Variants in MAPK8IP2 observed in about 807,000 individuals in gnomAD.
The protein encoded by MAPK8IP2 is C-Jun-amino-terminal kinase-interacting protein 2.
Under a neutral mutation model 75.6 loss-of-function variants are expected in MAPK8IP2, and 15 were observed. The ratio of observed to expected loss-of-function variants is 0.20; its 90% CI spans 0.13 to 0.31. The LOEUF (loss-of-function observed/expected upper bound fraction) is 0.31. MAPK8IP2 is among the 10% of genes least tolerant of loss of function. The pLI, the probability that MAPK8IP2 is intolerant of heterozygous loss-of-function variation, is 1.00. For synonymous variants in MAPK8IP2, 632 were observed against 554.5 expected, an observed-to-expected ratio of 1.14 and a Z score of -1.96; for missense variants, 1,089 against 1,211.2, an observed-to-expected ratio of 0.90 and a Z score of 1.50.
At position 50,603,993 on chromosome 22, in the gene MAPK8IP2, C is replaced by G; in HGVS notation, c.694C>G (p.Leu232Val). The change falls in exon 5 of 12, where the codon CTG (leucine) becomes GTG (valine). Residue 232 changes from leucine (L) to valine (V), a missense_variant. Physicochemically the swap from Leu to Val is conservative, Grantham distance 32. Transcript: ENST00000329492. ...PSSDPGIEAD[L>V]RSRSSGGRGG... ...CTCAGATCCCGGCATCGAGGCTGAC[C>G]TGAGAAGCCGCTCGAGCGGCGGCCG... The G allele has an allele frequency of 6.4e-7, 1 of 1,560,028 alleles. No homozygotes were observed. The highest frequency in any genetic ancestry group is 1.2e-5 in the South Asian group (1 of 85,734).
chr22:50,608,915 A>C (rs1278596725), intron 10 of MAPK8IP2, among the ~76,000 whole-genome samples: 1 of 152,182 alleles, frequency 6.6e-6, no homozygotes, highest in East Asian at 1.9e-4. Context: ...ATTTCTCATC[A>C]GAAGGAAACT....
At chr22:50,605,199 C>T in intron 5 of MAPK8IP2, 135 bp downstream of exon 5, 1 of 1,175,724 alleles carries the variant, frequency 8.5e-7, no homozygotes, top group Non-Finnish European at 1.2e-6. Context: ...CCCTCTCCCA[C>T]CCAGGACATG....
Position 50,603,417 on chromosome 22 carries a change from G to T in MAPK8IP2, c.366G>T (p.Gly122=). 1.3e-6 allele frequency: 2 copies of T among 1,566,010 alleles called. No individual in the cohort carries two copies. Among genetic ancestry groups the T allele is most frequent in the South Asian group, 2.4e-5 (2 of 84,916 alleles). Residue 122 remains glycine (G), a synonymous_variant, in exon 3 of 12, where the codon GGG becomes GGT. Transcript: ENST00000329492. ...GDPGSEAPAP[G]PLIPSPSVEE... is the part of the protein sequence containing the mutation. ...CTGGCTCAGAGGCACCTGCCCCCGG[G>T]CCCCTTATCCCCTCCCCTTCCGTGG...
At position 50,604,130 on chromosome 22, in the gene MAPK8IP2, G is replaced by A; in HGVS notation, c.831G>A (p.Glu277=). 1 of 1,556,188 alleles carries A rather than the reference G, an allele frequency of 6.4e-7. No homozygotes were observed. The highest frequency in any genetic ancestry group is 8.6e-7 in the Non-Finnish European group (1 of 1,159,918). The change falls in exon 5 of 12, where the codon GAG becomes GAA. Residue 277 remains glutamate (E), a synonymous_variant. Coordinates refer to ENST00000329492, the MANE Select transcript of MAPK8IP2 (RefSeq NM_012324.6). ...CGTCCATCTCGGAGACGGAGCTGGA[G>A]CTGAGCAGCGATGGCGGAAGCAGCA... ...MISSISETEL[E]LSSDGGSSSS...
chr22:50,605,501 C>A, intron 6 of MAPK8IP2, 58 bp downstream of exon 6: 1 of 1,607,580 alleles, frequency 6.2e-7, no homozygotes, highest in South Asian at 1.1e-5. Context: ...CATCACGGAA[C>A]GCCAGTGGAC....
Position 50,607,512 on chromosome 22 carries a change from TGGAA to T in MAPK8IP2, c.2303+525_2303+528del, listed in dbSNP as rs1055163550. ...TAATGAGGCCATAGAAGGCTCCTAA[TGGAA>T]GGAGGTGACACAGGGGACCTGGGGG... On this transcript the variant is annotated intron_variant, in intron 10 of 11. Coordinates refer to ENST00000329492, the MANE Select transcript of MAPK8IP2 (RefSeq NM_012324.6). The surrounding 1 kb of genome is among the most constrained non-coding windows in gnomAD (Gnocchi z 5.6). Among the ~76,000 whole-genome samples the T allele has an allele frequency of 2.0e-5, 3 of 151,794 alleles. No homozygotes were observed. Among genetic ancestry groups the T allele is most frequent in the Non-Finnish European group, 2.9e-5 (2 of 67,922 alleles).
Position 50,610,167 on chromosome 22 carries a change from C to A in MAPK8IP2, c.2304-45C>A. The A allele has an allele frequency of 6.8e-7, 1 of 1,480,108 alleles. No individual in the cohort carries two copies. The highest frequency in any genetic ancestry group is 9.3e-7 in the Non-Finnish European group (1 of 1,076,714). The allele number at this position is 1,480,108 out of a possible 1,614,324, so 91.7% of individuals were successfully genotyped here. A position where few individuals can be genotyped will look rare whatever the true frequency, so the allele number is the denominator to read the frequency against. On this transcript the variant is annotated intron_variant, in intron 10 of 11. Transcript: ENST00000329492. The surrounding 1 kb of genome is among the most constrained non-coding windows in gnomAD (Gnocchi z 4.3). ...TACATCATTTGTGGGGTGGCCAAGG[C>A]TGGGCCAGGGCTCTGACGTGCCCTC...
rs3219201 is a variant in MAPK8IP2, at chr22:50,604,850, G to A, written c.1551G>A (p.Glu517=). 1,067,673 of 1,589,070 alleles carry A rather than the reference G, an allele frequency of 0.67. 363,653 individuals are homozygous for A. Among genetic ancestry groups the A allele is most frequent in the East Asian group, 0.83 (36,172 of 43,724 alleles). Residue 517 remains glutamate (E), a synonymous_variant, in exon 5 of 12, where the codon GAG becomes GAA. Coordinates refer to ENST00000329492, the MANE Select transcript of MAPK8IP2 (RefSeq NM_012324.6). ...DAVKYTLVVD[E]HTQLELVSLR... is the part of the protein sequence containing the mutation. ...TCAAGTACACGCTGGTGGTGGATGA[G>A]CACACGCAGCTGGAGCTGGTGAGCC...
chr22:50,601,498 G>A (rs2070937049), intron 1 of MAPK8IP2: 1 of 383,228 alleles, frequency 2.6e-6, no homozygotes, highest in Non-Finnish European at 5.0e-6. Flanking sequence ...GACCCCAGGG[G>A]CCTGGAGCTG....
intron 10 of MAPK8IP2, among the ~76,000 whole-genome samples, chr22:50,608,821 C>T (rs1240360517): frequency 1.4e-5 from 2 of 144,588 alleles, no homozygotes; most frequent in African/African-American, 2.6e-5. Flanking sequence ...ACTGGGACAG[C>T]GGACGGGGCG....
intron 2 of MAPK8IP2, among the ~76,000 whole-genome samples, chr22:50,602,363 A>G (rs1219112263): frequency 1.3e-5 from 2 of 152,016 alleles, no homozygotes; most frequent in African/African-American, 2.4e-5. Flanking sequence ...GCTTTCATTT[A>G]TTGAAGAACA....
chr22:50,608,138 C>T (rs567728995), intron 10 of MAPK8IP2, among the ~76,000 whole-genome samples: 132 of 152,300 alleles, frequency 8.7e-4, no homozygotes, highest in African/African-American at 3.0e-3. Flanking sequence ...GTGGACTCTC[C>T]CTGTGGTCGA....
chr22:50,603,439 G>T lies in MAPK8IP2; in HGVS notation c.388G>T (p.Val130Leu). 6.4e-7 allele frequency: 1 copy of T among 1,569,140 alleles called. No homozygotes were observed. Among genetic ancestry groups the T allele is most frequent in the Non-Finnish European group, 8.7e-7 (1 of 1,155,640 alleles). ...APGPLIPSPSVEEPHKHRPTT... is the reference protein window; with the variant it reads ...APGPLIPSPSLEEPHKHRPTT... ...CGGGCCCCTTATCCCCTCCCCTTCCGTGGAGGAGCCCCACAAGCACCGGCC... is the reference window on the plus strand; with the variant it reads ...CGGGCCCCTTATCCCCTCCCCTTCCTTGGAGGAGCCCCACAAGCACCGGCC... Residue 130 changes from valine to leucine, a missense_variant, in exon 3 of 12, where the codon GTG (valine) becomes TTG (leucine). By Grantham distance (32) the Val-to-Leu change is conservative (BLOSUM62 1). Around this residue, in one of 2 missense-constraint regions of MAPK8IP2, gnomAD observed 960 missense variants for 1,009.6 expected, o/e 0.95. Coordinates refer to ENST00000329492, the MANE Select transcript of MAPK8IP2 (RefSeq NM_012324.6).
chr22:50,604,328 G>A lies in MAPK8IP2; in HGVS notation c.1029G>A (p.Glu343=). ...CGGAGTCGGAGCCGGACCTCAGCGA[G>A]GACGCGGACTCGCCCTGGCTGCTCA... The part of the protein sequence containing the change: ...SGSESEPDLS[E]DADSPWLLSN... Residue 343 remains glutamate, a synonymous_variant, in exon 5 of 12, where the codon GAG becomes GAA. Coordinates refer to ENST00000329492, the MANE Select transcript of MAPK8IP2 (RefSeq NM_012324.6). 1 of 1,538,876 alleles carries A rather than the reference G, an allele frequency of 6.5e-7. No homozygotes were observed. The highest frequency in any genetic ancestry group is 1.2e-5 in the South Asian group (1 of 84,214).
In MAPK8IP2 at chr22:50,600,893, T is replaced by G; in HGVS notation, c.65+10T>G. ...CGCCGCCGGGCTGCAGGTACCCCCC[T>G]CGGCGCCCGGGCCGGGCGGACCCTC... is the stretch of plus-strand genomic sequence containing the variant. On this transcript the variant is annotated intron_variant, in intron 1 of 11. Coordinates refer to ENST00000329492, the MANE Select transcript of MAPK8IP2 (RefSeq NM_012324.6). 2 of 1,209,342 alleles carry G rather than the reference T, an allele frequency of 1.7e-6. No individual in the cohort carries two copies. Among genetic ancestry groups the G allele is most frequent in the Non-Finnish European group, 1.1e-6 (1 of 944,174 alleles). The allele number at this position is 1,209,342 out of a possible 1,614,324, so 74.9% of individuals were successfully genotyped here.
intron 10 of MAPK8IP2, chr22:50,609,701 G>A (rs757123124): frequency 4.0e-6 from 2 of 496,058 alleles, no homozygotes; most frequent in African/African-American, 3.9e-5. Flanking sequence ...GAGCTGGGCA[G>A]TGACTCCATG....
intron 10 of MAPK8IP2, among the ~76,000 whole-genome samples, chr22:50,608,604 G>T (rs1406194334): frequency 1.4e-5 from 2 of 140,690 alleles, no homozygotes; most frequent in Non-Finnish European, 3.1e-5. Context: ...CCGGGACAGC[G>T]AACGGGGCGC....
Position 50,607,012 on chromosome 22 carries a change from G to A in MAPK8IP2, c.2303+21G>A, listed in dbSNP as rs760215025. On this transcript the variant is annotated intron_variant, in intron 10 of 11. Coordinates refer to ENST00000329492, the MANE Select transcript of MAPK8IP2 (RefSeq NM_012324.6). This position sits in a 1 kb window ranked among gnomAD's most constrained non-coding sequence, Gnocchi z 5.6. ...AGCTGGTGAGAGTCTGACCGTCCCCGAGTCCCCCAACCGCCCCCACAAACC... is the reference window on the plus strand; with the variant it reads ...AGCTGGTGAGAGTCTGACCGTCCCCAAGTCCCCCAACCGCCCCCACAAACC... 3.0e-5 allele frequency: 48 copies of A among 1,605,922 alleles called. No individual in the cohort carries two copies. The highest frequency in any genetic ancestry group is 1.1e-4 in the East Asian group (5 of 44,842).
chr22:50,605,727 CCTG>C lies in MAPK8IP2; in HGVS notation c.2011_2013del (p.Leu671del). ...ATGCGGTGCCCGGCCCTGCCAAGGA[CCTG>C]CTGGGTGAGGTCCCAACCCCGAGGG... On this transcript the variant is annotated inframe_deletion, in exon 7 of 12. Coordinates refer to ENST00000329492, the MANE Select transcript of MAPK8IP2 (RefSeq NM_012324.6). 6.2e-7 allele frequency: 1 copy of C among 1,608,066 alleles called. No individual in the cohort carries two copies. Among genetic ancestry groups the C allele is most frequent in the Non-Finnish European group, 8.5e-7 (1 of 1,177,440 alleles).
Sources: allele counts gnomAD v4.1 joint callset (sites outside exome capture counted in the v4.1 genomes callset), GRCh38; gene constraint gnomAD v4.1.1; regional missense constraint gnomAD v4.1.1; non-coding constraint Gnocchi (gnomAD v3.1); transcripts MANE v1.5; gene names NCBI Gene and HGNC (gene_info 2026-07-23, HGNC 2026-07-21).